PLB1: variants seen among roughly 807,000 people sequenced by gnomAD.
PLB1 encodes the protein phospholipase B1.
PLB1 carries 242 observed loss-of-function variants against 227.4 expected under a neutral mutation model. The observed-to-expected ratio is 1.06, with a 90% CI of 0.96 to 1.18. The LOEUF (loss-of-function observed/expected upper bound fraction) is 1.18. Ranked by LOEUF, PLB1 falls within the 50% of genes most tolerant of loss-of-function variation. The probability of loss-of-function intolerance (pLI) is 0.00; values close to 1 mark genes in which losing one functional copy is unlikely to be tolerated. For synonymous variants in PLB1, 757 were observed against 682.2 expected (o/e 1.11, Z -1.71); for missense variants, 1,858 against 1,816.3 (o/e 1.02, Z -0.42).
In PLB1 at chr2:28,540,367, C is replaced by G. The variant is rs1672316074; in HGVS notation, c.700C>G (p.Pro234Ala). Residue 234 changes from proline to alanine, a missense_variant and splice_region_variant, in exon 12 of 58, where the codon CCT (proline) becomes GCT (alanine). Transcript: ENST00000327757. ...TTCCTGGTGTGTTTTAACCTGCAGC[C>G]CTGCACCAGAGCCCTGTAATTGCTC... Reference protein sequence around the residue: ...SRQYHGTWLSPAPEPCNCSEE... With the variant: ...SRQYHGTWLSAAPEPCNCSEE... The G allele has an allele frequency of 1.9e-6, 3 of 1,613,958 alleles. No individual in the cohort carries two copies. The highest frequency in any genetic ancestry group is 1.7e-6 in the Non-Finnish European group (2 of 1,179,896).
chr2:28,639,249 A>G (rs1378745520), intron 56 of PLB1, among the ~76,000 whole-genome samples: 1 of 152,120 alleles, frequency 6.6e-6, no homozygotes, highest in Non-Finnish European at 1.5e-5. Context: ...CTGTGTCCAG[A>G]GAGCTAAGAG....
chr2:28,602,790 G>GC (rs764306603), intron 38 of PLB1, 31 bp from the exon 39 acceptor site: 38 of 1,591,722 alleles, frequency 2.4e-5, no homozygotes, highest in Non-Finnish European at 3.0e-5. Flanking sequence ...AGTGCCTGGA[G>GC]CCCCCCTCTC....
At chr2:28,496,549 C>T (rs922486786) in intron 1 of PLB1, among the ~76,000 whole-genome samples, 2 of 152,138 alleles carry the variant, frequency 1.3e-5, no homozygotes, top group African/African-American at 4.8e-5. Flanking sequence ...TACTACTATG[C>T]ACATTTTGAT....
chr2:28,561,611 T>G (rs1572981596), intron 17 of PLB1, among the ~76,000 whole-genome samples: 1 of 152,220 alleles, frequency 6.6e-6, no homozygotes, highest in Admixed American at 6.5e-5. Context: ...AATGAAGTGG[T>G]TGGGCTCTGT....
intron 20 of PLB1, among the ~76,000 whole-genome samples, chr2:28,567,764 T>A (rs1200625704): frequency 6.6e-6 from 1 of 152,192 alleles, no homozygotes; most frequent in African/African-American, 2.4e-5. Context: ...AATGATTTTT[T>A]AAAGTCTGAT....
intron 1 of PLB1, among the ~76,000 whole-genome samples, chr2:28,512,145 G>C (rs553327311): frequency 7.4e-6 from 1 of 134,852 alleles, no homozygotes; most frequent in Non-Finnish European, 1.5e-5. Context: ...TTTTATGTTT[G>C]ACACTGTCCA....
At chr2:28,525,147 G>C (rs1024519478) in intron 4 of PLB1, 120 bp from the exon 5 acceptor site, 1 of 868,210 alleles carries the variant, frequency 1.2e-6, no homozygotes, top group Non-Finnish European at 1.8e-6. Flanking sequence ...CACCAAGCCT[G>C]GGCTTGTAGG....
intron 20 of PLB1, among the ~76,000 whole-genome samples, chr2:28,569,888 C>T (rs1304103284): frequency 6.7e-6 from 1 of 149,548 alleles, no homozygotes; most frequent in Non-Finnish European, 1.5e-5. Flanking sequence ...ATGGCATGAA[C>T]CCTGGAGGCA....
chr2:28,612,352 G>A (rs1685576121), intron 43 of PLB1, among the ~76,000 whole-genome samples: 1 of 152,036 alleles, frequency 6.6e-6, no homozygotes, highest in African/African-American at 2.4e-5. Context: ...GGTTTTTGTT[G>A]GCCTGACCTC....
At chr2:28,576,927 A>G (rs1328863299) in intron 21 of PLB1, among the ~76,000 whole-genome samples, 1 of 152,158 alleles carries the variant, frequency 6.6e-6, no homozygotes, top group African/African-American at 2.4e-5. Flanking sequence ...GGGCTAATAG[A>G]TAAGAGGGGA....
At chr2:28,525,428 C>T in intron 5 of PLB1, 121 bp downstream of exon 5, 1 of 1,101,822 alleles carries the variant, frequency 9.1e-7, no homozygotes, top group Non-Finnish European at 1.3e-6. Flanking sequence ...CTCAAGGCTA[C>T]CCTCTGAGAA....
At chr2:28,562,701 T>TCC (rs1417371958) in intron 17 of PLB1, among the ~76,000 whole-genome samples, 1 of 152,028 alleles carries the variant, frequency 6.6e-6, no homozygotes, top group Non-Finnish European at 1.5e-5. Context: ...TCTTCCCTCC[T>TCC]CCCAAATCAC....
At chr2:28,633,148 G>A (rs1233183463) in intron 56 of PLB1, 109 bp downstream of exon 56, 4 of 883,608 alleles carry the variant, frequency 4.5e-6, no homozygotes, top group Admixed American at 4.4e-5. Context: ...TCTCCCCAAA[G>A]CCCAAAGTGG....
intron 1 of PLB1, among the ~76,000 whole-genome samples, chr2:28,504,734 T>A (rs963207595): frequency 2.0e-5 from 3 of 152,094 alleles, no homozygotes. Flanking sequence ...AGAGCGAGAC[T>A]CAGTCTCAAA....
rs10618292 is a variant in PLB1, at chr2:28,559,740, CTTTTTTTTTTTTTTTT to C, written c.1148-3287_1148-3272del. ...CTGTGTTTCACTGCAGGCCTGAAAG[CTTTTTTTTTTTTTTTT>C]TTTTTTTTTTTTTGAGACGGAGTCT... is the stretch of plus-strand genomic sequence containing the variant. On this transcript the variant is annotated intron_variant, in intron 17 of 57. Transcript: ENST00000327757. 2.2e-3 allele frequency among the ~76,000 whole-genome samples: 148 copies of C among 66,254 alleles called. 1 individual carries two copies. Among genetic ancestry groups the C allele is most frequent in the African/African-American group, 8.2e-3 (123 of 14,942 alleles). 43.5% of individuals were successfully genotyped at this position (66,254 alleles called of 152,430 possible).
intron 22 of PLB1, 62 bp downstream of exon 22, chr2:28,578,220 G>A (rs1202057853): frequency 6.5e-7 from 1 of 1,538,098 alleles, no homozygotes; most frequent in East Asian, 2.2e-5. Flanking sequence ...GATCAGCTGT[G>A]GATTGAGGGA....
At chr2:28,512,849 G>A (rs1232669053) in intron 1 of PLB1, among the ~76,000 whole-genome samples, 1 of 152,170 alleles carries the variant, frequency 6.6e-6, no homozygotes, top group African/African-American at 2.4e-5. Context: ...GCACGAAGTT[G>A]TAGCCAATTC....
chr2:28,513,676 C>G (rs1392853798), intron 1 of PLB1, among the ~76,000 whole-genome samples: 1 of 152,244 alleles, frequency 6.6e-6, no homozygotes, highest in Non-Finnish European at 1.5e-5. Flanking sequence ...CACACACATA[C>G]ACACCACACA....
intron 53 of PLB1, among the ~76,000 whole-genome samples, chr2:28,629,781 T>G (rs1688338529): frequency 6.6e-6 from 1 of 152,164 alleles, no homozygotes; most frequent in African/African-American, 2.4e-5. Context: ...AAGGTGCTAA[T>G]GGGCAAGACA....
Sources: gnomAD v4.1 joint callset for allele counts (sites outside exome capture counted in the v4.1 genomes callset) on GRCh38, gnomAD v4.1.1 for gene constraint, MANE v1.5 for transcripts, NCBI Gene and HGNC (gene_info 2026-07-23, HGNC 2026-07-21) for gene names.